GARRE1: variants seen among roughly 807,000 people sequenced by gnomAD.
GARRE1 encodes the protein granule associated Rac and RHOG effector protein 1.
A neutral mutation model predicts 103.2 loss-of-function variants in GARRE1; 49 were observed. The observed-to-expected ratio is 0.47, with a 90% confidence interval of 0.38 to 0.60. The LOEUF (loss-of-function observed/expected upper bound fraction) is 0.60. Ranked by LOEUF, GARRE1 falls within the 20% of genes least tolerant of loss-of-function variation. The probability of loss-of-function intolerance (pLI) is 0.00; values close to 1 mark genes in which losing one functional copy is unlikely to be tolerated. For missense variants in GARRE1, 1,199 were observed against 1,370.5 expected, an observed-to-expected ratio of 0.87 and a Z score of 1.98; for synonymous variants, 505 against 532.8, an observed-to-expected ratio of 0.95 and a Z score of 0.72.
At chr19:34,286,414 T>G (rs1427834448) in intron 1 of GARRE1, among the ~76,000 whole-genome samples, 2 of 151,864 alleles carry the variant, frequency 1.3e-5, no homozygotes, top group African/African-American at 4.8e-5. Flanking sequence ...AGAGACAGGG[T>G]TTCACCGTGT....
intron 1 of GARRE1, among the ~76,000 whole-genome samples, chr19:34,290,419 C>A (rs1046451420): frequency 1.3e-5 from 2 of 152,118 alleles, no homozygotes; most frequent in African/African-American, 2.4e-5. Flanking sequence ...CATAGCTTAG[C>A]CTTGCCTACC....
At chr19:34,296,961 G>T (rs1231128174) in intron 1 of GARRE1, among the ~76,000 whole-genome samples, 1 of 152,040 alleles carries the variant, frequency 6.6e-6, no homozygotes. Context: ...ATGAATTTTG[G>T]GGTCAGCTTG....
intron 2 of GARRE1, among the ~76,000 whole-genome samples, chr19:34,309,159 G>A (rs573200199): frequency 1.2e-4 from 18 of 151,910 alleles, no homozygotes; most frequent in East Asian, 5.8e-4. Flanking sequence ...GTGTAGTGAC[G>A]CAAGTTATGC....
intron 1 of GARRE1, among the ~76,000 whole-genome samples, chr19:34,267,942 T>A (rs1448676977): frequency 6.6e-6 from 1 of 151,874 alleles, no homozygotes. Flanking sequence ...CCTGGCTAAT[T>A]TTTGTATTTT....
intron 1 of GARRE1, among the ~76,000 whole-genome samples, chr19:34,291,933 C>T (rs2073920324): frequency 6.6e-6 from 1 of 151,412 alleles, no homozygotes; most frequent in African/African-American, 2.4e-5. Flanking sequence ...CATCTTGGCT[C>T]ACTGCACCCT....
chr19:34,328,289 A>G, intron 6 of GARRE1, 138 bp downstream of exon 6: 1 of 923,362 alleles, frequency 1.1e-6, no homozygotes, highest in Non-Finnish European at 1.6e-6. Flanking sequence ...TAATCCTAGC[A>G]CTTTGGGAGG....
chr19:34,259,472 C>T (rs1296577024), intron 1 of GARRE1, among the ~76,000 whole-genome samples: 1 of 152,140 alleles, frequency 6.6e-6, no homozygotes, highest in Non-Finnish European at 1.5e-5. Context: ...ACTGGAAGAT[C>T]AGAATACAGA....
intron 1 of GARRE1, among the ~76,000 whole-genome samples, chr19:34,259,091 C>T (rs2073696543): frequency 6.6e-6 from 1 of 152,090 alleles, no homozygotes; most frequent in Non-Finnish European, 1.5e-5. Flanking sequence ...TTGCTTGAGC[C>T]TAGGAGGTTA....
intron 11 of GARRE1, 176 bp downstream of exon 11, chr19:34,348,218 C>G: frequency 4.4e-6 from 2 of 455,062 alleles, no homozygotes; most frequent in Non-Finnish European, 3.7e-6. Context: ...ATGTGGCTGA[C>G]TGTTAGATGC....
chr19:34,296,375 G>A, intron 1 of GARRE1: 2 of 1,387,064 alleles, frequency 1.4e-6, no homozygotes, highest in Non-Finnish European at 1.0e-6. Flanking sequence ...CCTTGGCCTT[G>A]GCCTTTAGCC....
At position 34,320,027 on chromosome 19, in the gene GARRE1, A is replaced by T; in HGVS notation, c.616A>T (p.Lys206Ter). 6.2e-7 allele frequency: 1 copy of T among 1,614,204 alleles called. No individual in the cohort carries two copies. The highest frequency in any genetic ancestry group is 8.5e-7 in the Non-Finnish European group (1 of 1,180,042). The change falls in exon 3 of 14, where the codon AAG becomes TAG. Residue 206 changes from lysine (K) to a stop codon, truncating the protein, a stop_gained. Transcript: ENST00000299505. LOFTEE classifies it high-confidence loss of function. ...TGCTGAGGTCATCGTGCCAGAAAAA[A>T]AGAACAGCGGCAGTGGCGGCGGCTT... Reference protein sequence around the residue: ...CFAEVIVPEKKNSGSGGGLSG... With the variant: ...CFAEVIVPEK
intron 1 of GARRE1, among the ~76,000 whole-genome samples, chr19:34,283,520 G>A (rs1320512714): frequency 6.6e-6 from 1 of 152,090 alleles, no homozygotes; most frequent in African/African-American, 2.4e-5. Flanking sequence ...CATTCTAAGT[G>A]CTTTATATGT....
rs1290746186 is a variant in GARRE1, at chr19:34,336,328, C to T, written c.1361+2527C>T. The stretch of plus-strand genomic sequence containing the variant: ...TTAATTGTAGGGTGGCATACTGTGT[C>T]CTGAAATTAATGGTAATTTATACAC... On this transcript the variant is annotated intron_variant, in intron 8 of 13. Coordinates refer to ENST00000299505, the MANE Select transcript of GARRE1 (RefSeq NM_014686.5). Among the ~76,000 whole-genome samples, 4 of 152,026 alleles carry T rather than the reference C, an allele frequency of 2.6e-5. No homozygotes were observed. The East Asian group carries it at 5.8e-4, about 22-fold the overall frequency.
chr19:34,328,095 T>G lies in GARRE1; in HGVS notation c.1048T>G (p.Phe350Val). The change falls in exon 6 of 14, where the codon TTC (phenylalanine) becomes GTC (valine). Residue 350 changes from phenylalanine to valine, a missense_variant. Phe to Val is a conservative substitution (Grantham distance 50). Coordinates refer to ENST00000299505, the MANE Select transcript of GARRE1 (RefSeq NM_014686.5). ...PTVPVQIGSH[F>V]LKGVSFNESA... ...CGTCCCTGTGCAGATAGGATCGCAC[T>G]TCCTGAAGGGCGTCTCCTTTAATGA... 2 of 1,614,168 alleles carry G rather than the reference T, an allele frequency of 1.2e-6. No homozygotes were observed. The highest frequency in any genetic ancestry group is 4.5e-5 in the East Asian group (2 of 44,890).
chr19:34,273,614 CAG>C (rs763534321), intron 1 of GARRE1, among the ~76,000 whole-genome samples: 4 of 152,068 alleles, frequency 2.6e-5, no homozygotes, highest in Non-Finnish European at 5.9e-5. Flanking sequence ...TTGGAGGTGA[CAG>C]GGAAACACAG....
intron 1 of GARRE1, among the ~76,000 whole-genome samples, chr19:34,256,925 C>T (rs866601526): frequency 6.6e-6 from 1 of 151,804 alleles, no homozygotes; most frequent in African/African-American, 2.4e-5. Context: ...AGTTTATTGC[C>T]GTTTCATTTG....
At chr19:34,266,953 T>A (rs2073756311) in intron 1 of GARRE1, among the ~76,000 whole-genome samples, 1 of 151,828 alleles carries the variant, frequency 6.6e-6, no homozygotes, top group Non-Finnish European at 1.5e-5. Flanking sequence ...TTGTTAAGAG[T>A]GGCAGTATAG....
At chr19:34,258,825 G>A (rs1026293932) in intron 1 of GARRE1, among the ~76,000 whole-genome samples, 1 of 151,740 alleles carries the variant, frequency 6.6e-6, no homozygotes, top group African/African-American at 2.4e-5. Context: ...ACTTCTTTGC[G>A]AGGACAAGGT....
At chr19:34,350,774 G>C (rs941643881) in intron 12 of GARRE1, among the ~76,000 whole-genome samples, 21 of 152,040 alleles carry the variant, frequency 1.4e-4, no homozygotes, top group African/African-American at 4.6e-4. Flanking sequence ...GTAGAGACAG[G>C]GTTTCACCAT....
Sources: gnomAD v4.1 joint callset for allele counts (sites outside exome capture counted in the v4.1 genomes callset) on GRCh38, gnomAD v4.1.1 for gene constraint, MANE v1.5 for transcripts, NCBI Gene and HGNC (gene_info 2026-07-23, HGNC 2026-07-21) for gene names.